Variants in PRKCH observed in about 807,000 individuals in gnomAD.
The protein encoded by PRKCH is protein kinase C eta type.
Under a neutral mutation model 82.5 loss-of-function variants are expected in PRKCH, and 28 were observed. The observed-to-expected ratio is 0.34, with a 90% CI of 0.25 to 0.47. The LOEUF is 0.47. PRKCH is among the 20% of genes least tolerant of loss of function. PRKCH has a pLI of 1.00. For missense variants in PRKCH, 705 were observed against 881.8 expected, an observed-to-expected ratio of 0.80 and a Z score of 2.54; for synonymous variants, 322 against 327.4, an observed-to-expected ratio of 0.98 and a Z score of 0.18.
chr14:61,493,809 C>T (rs1346161917), intron 10 of PRKCH, among the ~76,000 whole-genome samples: 1 of 151,584 alleles, frequency 6.6e-6, no homozygotes, highest in African/African-American at 2.4e-5. Flanking sequence ...TGCAGAGTTC[C>T]AAGTAACAAG....
intron 10 of PRKCH, among the ~76,000 whole-genome samples, chr14:61,524,365 T>C (rs1197734060): frequency 1.3e-5 from 2 of 152,252 alleles, no homozygotes; most frequent in Admixed American, 1.3e-4. Flanking sequence ...CTTTCTACCC[T>C]TCTATGCTTG....
At chr14:61,334,045 C>G (rs2045822331) in intron 1 of PRKCH, among the ~76,000 whole-genome samples, 1 of 152,128 alleles carries the variant, frequency 6.6e-6, no homozygotes. Context: ...GGAAACTGAG[C>G]TGAATGGAGA....
rs769380706 is a variant in PRKCH at position 61,530,605 on chromosome 14, G to T, written c.1761+10G>T. On this transcript the variant is annotated intron_variant, in intron 12 of 13. Coordinates refer to ENST00000332981, the MANE Select transcript of PRKCH (RefSeq NM_006255.5). ...AGGGATCCTAAAATCTGTAAGTTTGGCTTACCCAGCTAGCTTCTGATGTAT... is the reference window on the plus strand; with the variant it reads ...AGGGATCCTAAAATCTGTAAGTTTGTCTTACCCAGCTAGCTTCTGATGTAT... 1.8e-5 allele frequency: 28 copies of T among 1,581,028 alleles called. No homozygotes were observed. In the South Asian group the frequency reaches 2.8e-4, roughly 16 times the overall value.
At chr14:61,370,963 A>G (rs771560477) in intron 1 of PRKCH, among the ~76,000 whole-genome samples, 22 of 152,062 alleles carry the variant, frequency 1.4e-4, no homozygotes, top group African/African-American at 2.2e-4. Context: ...TAACGTTAAC[A>G]TGGGAATGTT....
chr14:61,503,869 G>A (rs1379059344), intron 10 of PRKCH, among the ~76,000 whole-genome samples: 4 of 152,146 alleles, frequency 2.6e-5, no homozygotes, highest in Non-Finnish European at 5.9e-5. Flanking sequence ...TCCAGGGAAA[G>A]TGACCTGTGT....
chr14:61,486,985 A>G (rs1158646574), intron 10 of PRKCH, among the ~76,000 whole-genome samples: 1 of 152,236 alleles, frequency 6.6e-6, no homozygotes, highest in East Asian at 1.9e-4. Context: ...TGACATCATT[A>G]TTAAATTATA....
At chr14:61,339,073 AC>A (rs1251677453) in intron 1 of PRKCH, among the ~76,000 whole-genome samples, 4 of 151,972 alleles carry the variant, frequency 2.6e-5, no homozygotes, top group Non-Finnish European at 5.9e-5. Context: ...AGGCCTCCCC[AC>A]CACTTTCCCT....
chr14:61,477,609 T>A (rs1885783681), intron 9 of PRKCH, among the ~76,000 whole-genome samples: 1 of 152,196 alleles, frequency 6.6e-6, no homozygotes, highest in African/African-American at 2.4e-5. Context: ...CAATAATAAT[T>A]ATTATAAAGC....
chr14:61,452,916 G>A, intron 6 of PRKCH: 1 of 354,076 alleles, frequency 2.8e-6, no homozygotes, highest in South Asian at 3.4e-5. Context: ...TTTAATCTTA[G>A]ATCATACTAA....
intron 1 of PRKCH, among the ~76,000 whole-genome samples, chr14:61,258,427 G>T (rs1269377619): frequency 4.6e-5 from 7 of 152,090 alleles, no homozygotes; most frequent in Non-Finnish European, 8.8e-5. Flanking sequence ...AAGTTGCCTG[G>T]TATCCCCTTT....
chr14:61,387,374 T>A (rs927873371), intron 1 of PRKCH, among the ~76,000 whole-genome samples: 41 of 152,328 alleles, frequency 2.7e-4, no homozygotes, highest in African/African-American at 9.9e-4. Flanking sequence ...TTGGACTACA[T>A]GTGAGGGAGG....
At chr14:61,484,904 T>A (rs935775419) in intron 9 of PRKCH, among the ~76,000 whole-genome samples, 1 of 151,846 alleles carries the variant, frequency 6.6e-6, no homozygotes, top group African/African-American at 2.4e-5. Context: ...TTTATTTTTT[T>A]GTATAGACAA....
chr14:61,272,306 G>A (rs1416844694), intron 1 of PRKCH, among the ~76,000 whole-genome samples: 2 of 147,900 alleles, frequency 1.4e-5, no homozygotes, highest in Non-Finnish European at 3.0e-5. Context: ...TGCTCAACAG[G>A]ATTTTAAGTA....
At chr14:61,510,532 C>T (rs1378006129) in intron 10 of PRKCH, among the ~76,000 whole-genome samples, 3 of 152,104 alleles carry the variant, frequency 2.0e-5, no homozygotes, top group African/African-American at 7.3e-5. Context: ...GAGCTTTTAA[C>T]TGAGTAGGGA....
intron 9 of PRKCH, among the ~76,000 whole-genome samples, chr14:61,464,639 T>C (rs1885175857): frequency 6.6e-6 from 1 of 152,212 alleles, no homozygotes. Context: ...CATGTGGTGT[T>C]TGATTTTCTG....
chr14:61,519,500 G>A (rs1003375152), intron 10 of PRKCH, among the ~76,000 whole-genome samples: 4 of 152,092 alleles, frequency 2.6e-5, no homozygotes, highest in African/African-American at 7.2e-5. Context: ...GGTATGAGGG[G>A]GTAGTGGGGA....
At chr14:61,225,765 G>T (rs2044692175) in intron 1 of PRKCH, among the ~76,000 whole-genome samples, 1 of 151,560 alleles carries the variant, frequency 6.6e-6, no homozygotes, top group African/African-American at 2.4e-5. Flanking sequence ...AACAGACAGG[G>T]TCTTGCTCTG....
chr14:61,526,382 G>A (rs1594785963), intron 10 of PRKCH, among the ~76,000 whole-genome samples: 1 of 152,370 alleles, frequency 6.6e-6, no homozygotes, highest in East Asian at 1.9e-4. Context: ...CTGCTACTAA[G>A]AGCAGAGAAG....
At chr14:61,484,291 CT>C (rs71449556) in intron 9 of PRKCH, among the ~76,000 whole-genome samples, 4,012 of 86,280 alleles carry the variant, frequency 0.046, 93 homozygotes, top group East Asian at 0.13. Flanking sequence ...GCTTGTGTCA[CT>C]TTTTTTTTTT....
Sources: allele counts gnomAD v4.1 joint callset (sites outside exome capture counted in the v4.1 genomes callset), GRCh38; gene constraint gnomAD v4.1.1; transcripts MANE v1.5; gene names NCBI Gene and HGNC (gene_info 2026-07-23, HGNC 2026-07-21).